The following FBXO46 variants were observed in gnomAD, a reference collection of about 807,000 sequenced individuals.
FBXO46 encodes the protein F-box only protein 46.
A neutral mutation model predicts 30.7 loss-of-function variants in FBXO46; 13 were observed. The ratio of observed to expected loss-of-function variants is 0.42; its 90% confidence interval spans 0.28 to 0.67. The LOEUF is 0.67. FBXO46 is among the 30% of genes least tolerant of loss of function. The pLI, the probability that FBXO46 is intolerant of heterozygous loss-of-function variation, is 0.21. For synonymous variants in FBXO46, 467 were observed against 385.8 expected (o/e 1.21, Z -2.47); for missense variants, 754 against 871.5 (o/e 0.87, Z 1.70).
At chr19:45,731,505 C>T (rs543027876), upstream of FBXO46, among the ~76,000 whole-genome samples, 3 of 151,554 alleles carry the variant, frequency 2.0e-5, no homozygotes, top group East Asian at 2.0e-4. Flanking sequence ...TTAGTAAAAA[C>T]GGAGTTTCAC....
upstream of FBXO46, among the ~76,000 whole-genome samples, chr19:45,732,102 G>A (rs1233669735): frequency 6.6e-6 from 1 of 150,598 alleles, no homozygotes; most frequent in Non-Finnish European, 1.5e-5. Flanking sequence ...GGGGGACAGA[G>A]CGAGATTCCG....
In FBXO46 at chr19:45,712,133, C is replaced by T. The variant is rs1967983543; in HGVS notation, c.1363G>A (p.Asp455Asn). Residue 455 changes from aspartate to asparagine, a missense_variant, in exon 2 of 2, where the codon GAC (aspartate) becomes AAC (asparagine). Asp to Asn is a conservative substitution (Grantham distance 23, BLOSUM62 1). This residue lies in a region of FBXO46 where 162 missense variants were observed against 258.7 expected (regional missense o/e 0.63). Transcript: ENST00000317683. This position sits in a 1 kb window ranked among gnomAD's most constrained non-coding sequence, Gnocchi z 8.8. ...ATCTTGAAGCGGATCTCTAGGAAGT[C>T]GTGCGACACGTGCCGGTACAAGCGG... ...LCRLYRHVSH[D>N]FLEIRFKIQR... is the part of the protein sequence containing the mutation. The T allele has an allele frequency of 5.6e-6, 9 of 1,593,792 alleles. No homozygotes were observed. Among genetic ancestry groups the T allele is most frequent in the East Asian group, 4.6e-5 (2 of 43,802 alleles).
intron 1 of FBXO46, among the ~76,000 whole-genome samples, chr19:45,724,201 G>A (rs755065109): frequency 2.6e-5 from 4 of 152,098 alleles, no homozygotes; most frequent in Non-Finnish European, 5.9e-5. Flanking sequence ...ATCACCCCAG[G>A]GTGGCCAGAT....
intron 1 of FBXO46, chr19:45,717,051 C>T (rs1968100671): frequency 6.6e-6 from 1 of 152,268 alleles, no homozygotes; most frequent in South Asian, 2.1e-4. Context: ...ACCGAACCTT[C>T]CGCATTACAA....
At chr19:45,724,852 C>T (rs892737380) in intron 1 of FBXO46, among the ~76,000 whole-genome samples, 2 of 151,856 alleles carry the variant, frequency 1.3e-5, no homozygotes, top group South Asian at 2.1e-4. Flanking sequence ...GGGGTTTCAC[C>T]GTGTTGGCCA....
rs377754523 is a variant in FBXO46 at position 45,712,681 on chromosome 19, C to A, written c.815G>T (p.Arg272Leu). 6.2e-7 allele frequency: 1 copy of A among 1,612,524 alleles called. No individual in the cohort carries two copies. Among genetic ancestry groups the A allele is most frequent in the Non-Finnish European group, 8.5e-7 (1 of 1,179,368 alleles). ...ACTGGGCAGGCCGCTGTCTGGTGCA[C>A]GGGGCTCCCGGCCGTTGGAGATGCG... ...AFRISNGREP[R>L]APDSGLPSGG... is the part of the protein sequence containing the mutation. The change falls in exon 2 of 2, where the codon CGT becomes CTT. Residue 272 changes from arginine (R) to leucine (L), a missense_variant. By Grantham distance (102) the Arg-to-Leu change is moderately radical. Around this residue, in one of 5 missense-constraint regions of FBXO46, gnomAD observed 454 missense variants for 426.5 expected, o/e 1.06. Transcript: ENST00000317683. The surrounding 1 kb of genome is among the most constrained non-coding windows in gnomAD (Gnocchi z 8.8).
rs575861468 is a variant in FBXO46 at position 45,717,916 on chromosome 19, G to A, written c.-78-4343C>T. Among the ~76,000 whole-genome samples, 12 of 152,278 alleles carry A rather than the reference G, an allele frequency of 7.9e-5. No individual in the cohort carries two copies. In the East Asian group the frequency reaches 1.9e-3, roughly 25 times the overall value. ...CAAGCCTCTAGGCCTGGCGTTCAAG[G>A]CTCAAGCCGTGTAGCCATTCGGAGC... is the stretch of plus-strand genomic sequence containing the variant. On this transcript the variant is annotated intron_variant, in intron 1 of 1. Coordinates refer to ENST00000317683, the MANE Select transcript of FBXO46 (RefSeq NM_001080469.2).
intron 1 of FBXO46, among the ~76,000 whole-genome samples, chr19:45,728,406 G>A (rs1343350795): frequency 1.3e-5 from 2 of 152,148 alleles, no homozygotes; most frequent in African/African-American, 4.8e-5. Context: ...CAACTCACAC[G>A]TACTGAGCCC....
intron 1 of FBXO46, among the ~76,000 whole-genome samples, chr19:45,718,196 T>A (rs560169707): frequency 5.9e-5 from 9 of 152,194 alleles, no homozygotes; most frequent in African/African-American, 2.2e-4. Context: ...CTGGCATACA[T>A]AGAATACTCA....
chr19:45,718,014 C>T (rs750993529), intron 1 of FBXO46, among the ~76,000 whole-genome samples: 1 of 152,136 alleles, frequency 6.6e-6, no homozygotes, highest in Non-Finnish European at 1.5e-5. Context: ...CAGAAAAGTC[C>T]TGTTAAAGCA....
At chr19:45,724,487 A>T (rs1160377079) in intron 1 of FBXO46, among the ~76,000 whole-genome samples, 1 of 152,144 alleles carries the variant, frequency 6.6e-6, no homozygotes, top group Non-Finnish European at 1.5e-5. Context: ...CACCCAATAC[A>T]GGCGCTGGCA....
rs1410879909 is a variant in FBXO46, at chr19:45,711,944, G to T, written c.1552C>A (p.Arg518Ser). 6.2e-7 allele frequency: 1 copy of T among 1,613,154 alleles called. No homozygotes were observed. Among genetic ancestry groups the T allele is most frequent in the Non-Finnish European group, 8.5e-7 (1 of 1,179,782 alleles). The change falls in exon 2 of 2, where the codon CGC (arginine) becomes AGC (serine). Residue 518 changes from arginine (R) to serine (S), a missense_variant. Arg to Ser is a moderately radical substitution (Grantham distance 110). Around this residue, in one of 5 missense-constraint regions of FBXO46, gnomAD observed 162 missense variants for 258.7 expected, o/e 0.63. Coordinates refer to ENST00000317683, the MANE Select transcript of FBXO46 (RefSeq NM_001080469.2). The part of the protein sequence containing the change: ...EAFGVRATDS[R>S]WSRDPLYRDD... ...CGGTAGAGCGGGTCTCGGCTCCAGC[G>T]CGAGTCTGTGGCCCGCACGCCAAAC...
At chr19:45,714,294 CAGAG>C (rs959338125) in intron 1 of FBXO46, 8 of 152,056 alleles carry the variant, frequency 5.3e-5, no homozygotes, top group Non-Finnish European at 7.4e-5. Context: ...CTTAAACCCA[CAGAG>C]AGAGGAACGA....
At chr19:45,727,225 G>C (rs1245456790) in intron 1 of FBXO46, among the ~76,000 whole-genome samples, 2 of 151,358 alleles carry the variant, frequency 1.3e-5, no homozygotes, top group Admixed American at 1.3e-4. Context: ...TGCCAGCCAG[G>C]GCAACAAAGT....
chr19:45,725,296 T>A (rs370164768), intron 1 of FBXO46, among the ~76,000 whole-genome samples: 15 of 152,102 alleles, frequency 9.9e-5, no homozygotes, highest in African/African-American at 3.6e-4. Context: ...GCCCCTGTAG[T>A]CCCAGCTATT....
chr19:45,713,963 C>T lies in FBXO46; in HGVS notation c.-78-390G>A, dbSNP rs567807898. 4.2e-5 allele frequency among the ~76,000 whole-genome samples: 5 copies of T among 118,664 alleles called. No individual in the cohort carries two copies. The highest frequency in any genetic ancestry group is 5.3e-4 in the South Asian group (2 of 3,754). 77.8% of individuals were successfully genotyped at this position (118,664 alleles called of 152,430 possible). A position where few individuals can be genotyped will look rare whatever the true frequency, so the allele number is the denominator to read the frequency against. ...AGCCTGGGCGACAAGAGCGAAACTC[C>T]GTCTCAAAAAAAAAAAAAAAAAAAA... On this transcript the variant is annotated intron_variant, in intron 1 of 1. Transcript: ENST00000317683. The surrounding 1 kb of genome is among the most constrained non-coding windows in gnomAD (Gnocchi z 4.7).
chr19:45,711,586 A>G lies in FBXO46; in HGVS notation c.*98T>C. 2.2e-6 allele frequency: 2 copies of G among 918,274 alleles called. No homozygotes were observed. The highest frequency in any genetic ancestry group is 3.4e-6 in the Non-Finnish European group (2 of 583,280). 56.9% of individuals were successfully genotyped at this position (918,274 alleles called of 1,614,324 possible). A position where few individuals can be genotyped will look rare whatever the true frequency, so the allele number is the denominator to read the frequency against. On this transcript the variant is annotated 3_prime_UTR_variant, in exon 2 of 2. Coordinates refer to ENST00000317683, the MANE Select transcript of FBXO46 (RefSeq NM_001080469.2). ...CCGGTGAGGGATCAATGCTGCCTGG[A>G]GTAGGGGAATGGGCAGGCGGCCCAG...
At chr19:45,714,622 G>A (rs372072500) in intron 1 of FBXO46, 136 of 152,294 alleles carry the variant, frequency 8.9e-4, no homozygotes, top group Non-Finnish European at 1.7e-3. Context: ...GAACAAAGCC[G>A]GGTGTGGTGG....
Position 45,712,392 on chromosome 19 carries a change from C to A in FBXO46, c.1104G>T (p.Val368=). 1 of 1,606,502 alleles carries A rather than the reference C, an allele frequency of 6.2e-7. No homozygotes were observed. The change falls in exon 2 of 2, where the codon GTG becomes GTT. Residue 368 remains valine (V), a synonymous_variant. Coordinates refer to ENST00000317683, the MANE Select transcript of FBXO46 (RefSeq NM_001080469.2). The surrounding 1 kb of genome is among the most constrained non-coding windows in gnomAD (Gnocchi z 8.8). The stretch of plus-strand genomic sequence containing the variant: ...ACTCATCTACCACGCCCGTCACCAC[C>A]ACGTCCACGTGGAAGCCTGACGCTC... ...DCGASGFHVD[V]VVTGVVDECI...
Sources: gnomAD v4.1 joint callset for allele counts (sites outside exome capture counted in the v4.1 genomes callset) on GRCh38, gnomAD v4.1.1 for gene constraint, gnomAD v4.1.1 regional missense constraint, Gnocchi (gnomAD v3.1) non-coding constraint, MANE v1.5 for transcripts, NCBI Gene and HGNC (gene_info 2026-07-23, HGNC 2026-07-21) for gene names.